The following GALNT17 variants were observed in gnomAD, a reference collection of about 807,000 sequenced individuals.
GALNT17 encodes the protein polypeptide N-acetylgalactosaminyltransferase 17.
In GALNT17, 29 loss-of-function variants were observed where a neutral mutation model predicts 63.7. The observed-to-expected ratio is 0.46, with a 90% CI of 0.34 to 0.62. The LOEUF (loss-of-function observed/expected upper bound fraction) is 0.62. Ranked by LOEUF, GALNT17 falls within the 20% of genes least tolerant of loss-of-function variation. The pLI, the probability that GALNT17 is intolerant of heterozygous loss-of-function variation, is 0.01. For synonymous variants in GALNT17, 305 were observed against 318.3 expected, an observed-to-expected ratio of 0.96 and a Z score of 0.45; for missense variants, 603 against 799.6, an observed-to-expected ratio of 0.75 and a Z score of 2.97.
At chr7:71,621,537 T>TGGATGGATAGATGGATG (rs1554316541) in intron 6 of GALNT17, among the ~76,000 whole-genome samples, 2 of 138,948 alleles carry the variant, frequency 1.4e-5, no homozygotes, top group African/African-American at 3.1e-5. Flanking sequence ...ATGGATGGAT[T>TGGATGGATAGATGGATG]GATGGATTGA....
intron 5 of GALNT17, among the ~76,000 whole-genome samples, chr7:71,520,052 G>A (rs1788505232): frequency 6.6e-6 from 1 of 152,114 alleles, no homozygotes; most frequent in Non-Finnish European, 1.5e-5. Flanking sequence ...AAACCAGCAA[G>A]AGGCAGTCCC....
intron 3 of GALNT17, 52 bp downstream of exon 3, chr7:71,388,453 G>T (rs924832853): frequency 6.4e-7 from 1 of 1,573,780 alleles, no homozygotes; most frequent in African/African-American, 1.3e-5. Flanking sequence ...AGGGGGAAAT[G>T]CCACTTTCAT....
intron 2 of GALNT17, among the ~76,000 whole-genome samples, chr7:71,358,583 A>G (rs1439285548): frequency 6.6e-6 from 1 of 152,078 alleles, no homozygotes; most frequent in Non-Finnish European, 1.5e-5. Flanking sequence ...TGCGCTCTGT[A>G]TGAAGGTTTG....
intron 1 of GALNT17, among the ~76,000 whole-genome samples, chr7:71,255,615 C>T (rs575367631): frequency 1.2e-4 from 19 of 152,302 alleles, no homozygotes; most frequent in Middle Eastern, 3.4e-3. Context: ...CATTTGTAAC[C>T]TGGAAAATGC....
chr7:71,598,730 C>G (rs1030053098), intron 6 of GALNT17, among the ~76,000 whole-genome samples: 3 of 152,198 alleles, frequency 2.0e-5, no homozygotes, highest in African/African-American at 7.2e-5. Context: ...TAGGTGCTGG[C>G]ACTCTGCCAG....
chr7:71,137,091 G>A (rs886382974), intron 1 of GALNT17, among the ~76,000 whole-genome samples: 3 of 146,218 alleles, frequency 2.1e-5, no homozygotes, highest in Non-Finnish European at 3.0e-5. Flanking sequence ...AGAGGTGTGA[G>A]CCACAGCGCC....
At chr7:71,308,348 C>T (rs1304064039) in intron 1 of GALNT17, among the ~76,000 whole-genome samples, 2 of 152,144 alleles carry the variant, frequency 1.3e-5, no homozygotes, top group East Asian at 1.9e-4. Context: ...CCAGACTGTT[C>T]GGTTTCCATT....
At chr7:71,519,754 G>A (rs547224358) in intron 5 of GALNT17, among the ~76,000 whole-genome samples, 24 of 151,880 alleles carry the variant, frequency 1.6e-4, no homozygotes, top group Non-Finnish European at 2.5e-4. Flanking sequence ...GTGAGCCACC[G>A]TGCCCAGCCT....
intron 6 of GALNT17, among the ~76,000 whole-genome samples, chr7:71,654,042 A>T (rs578095779): frequency 6.6e-6 from 1 of 151,986 alleles, no homozygotes; most frequent in Admixed American, 6.6e-5. Flanking sequence ...TTTGAAATGG[A>T]ATCTGGCTCT....
chr7:71,362,853 G>A (rs1055321751), intron 2 of GALNT17, among the ~76,000 whole-genome samples: 6 of 152,120 alleles, frequency 3.9e-5, no homozygotes, highest in Admixed American at 2.0e-4. Flanking sequence ...GACCGTACAC[G>A]GGTTGTTTGA....
In GALNT17 at chr7:71,272,154, GAATGATTTTGATACATGCTATT is replaced by G. The variant is rs1487808131; in HGVS notation, c.239-63395_239-63374del. Among the ~76,000 whole-genome samples, 8 of 152,302 alleles carry G rather than the reference GAATGATTTTGATACATGCTATT, an allele frequency of 5.3e-5. No homozygotes were observed. The East Asian group carries it at 1.4e-3, about 26-fold the overall frequency. ...CTTTGGGGCCTGGCTTCTTTCACTT[GAATGATTTTGATACATGCTATT>G]CCATGTATTGGGAGTTTCTTTCTTT... On this transcript the variant is annotated intron_variant, in intron 1 of 10. Coordinates refer to ENST00000333538, the MANE Select transcript of GALNT17 (RefSeq NM_022479.3).
At chr7:71,236,520 A>T (rs1421268107) in intron 1 of GALNT17, among the ~76,000 whole-genome samples, 2 of 152,120 alleles carry the variant, frequency 1.3e-5, no homozygotes. Context: ...TTGGCTGCCT[A>T]TAGGGGTGCC....
At chr7:71,477,892 A>C (rs1471716789) in intron 5 of GALNT17, among the ~76,000 whole-genome samples, 1 of 152,184 alleles carries the variant, frequency 6.6e-6, no homozygotes, top group Non-Finnish European at 1.5e-5. Context: ...TCTTGCCGAC[A>C]TGCGACATGA....
At chr7:71,253,433 C>T (rs997928299) in intron 1 of GALNT17, among the ~76,000 whole-genome samples, 2 of 152,016 alleles carry the variant, frequency 1.3e-5, no homozygotes, top group Non-Finnish European at 2.9e-5. Flanking sequence ...GGGATCCCTC[C>T]TACAACACAT....
chr7:71,560,146 A>G (rs1212056803), intron 5 of GALNT17, among the ~76,000 whole-genome samples: 2 of 147,128 alleles, frequency 1.4e-5, no homozygotes, highest in African/African-American at 5.0e-5. Context: ...GTGAGCCAAG[A>G]TCATGCCACT....
intron 2 of GALNT17, among the ~76,000 whole-genome samples, chr7:71,369,811 C>CA (rs763387719): frequency 0.068 from 4,897 of 72,076 alleles, 394 homozygotes; most frequent in Non-Finnish European, 0.093. Flanking sequence ...GGCTTTTTGT[C>CA]AAAAAAAAAA....
chr7:71,296,791 A>G (rs1791089278), intron 1 of GALNT17, among the ~76,000 whole-genome samples: 1 of 152,086 alleles, frequency 6.6e-6, no homozygotes, highest in Admixed American at 6.6e-5. Context: ...TTAATATAGC[A>G]TGTGTAATAT....
intron 5 of GALNT17, among the ~76,000 whole-genome samples, chr7:71,493,423 C>T (rs1788042254): frequency 6.6e-6 from 1 of 152,108 alleles, no homozygotes; most frequent in South Asian, 2.1e-4. Context: ...ATACTTAAGA[C>T]TGGGTAATTT....
intron 2 of GALNT17, among the ~76,000 whole-genome samples, chr7:71,356,796 T>A (rs1182258581): frequency 6.6e-6 from 1 of 152,070 alleles, no homozygotes; most frequent in African/African-American, 2.4e-5. Flanking sequence ...ATATATATAT[T>A]TTTTAGATGG....
Sources: allele counts gnomAD v4.1 joint callset (sites outside exome capture counted in the v4.1 genomes callset), GRCh38; gene constraint gnomAD v4.1.1; transcripts MANE v1.5; gene names NCBI Gene and HGNC (gene_info 2026-07-23, HGNC 2026-07-21).